AFF2: variants seen among roughly 807,000 people sequenced by gnomAD.
The protein encoded by AFF2 is AF4/FMR2 family member 2.
A neutral mutation model predicts 76.9 loss-of-function variants in AFF2; 14 were observed. The observed-to-expected ratio is 0.18, with a 90% CI of 0.12 to 0.28. AFF2 has a LOEUF of 0.28. Among genes scored for constraint, AFF2 ranks in the 10% least tolerant of loss-of-function variants. AFF2 has a pLI of 1.00. For synonymous variants in AFF2, 398 were observed against 366.7 expected (o/e 1.09, Z -0.98); for missense variants, 868 against 1,001.1 (o/e 0.87, Z 1.79).
chrX:148,785,687 C>T (rs2069810262), intron 3 of AFF2, among the ~76,000 whole-genome samples: 1 of 111,945 alleles, frequency 8.9e-6, no homozygotes, highest in African/African-American at 3.3e-5. Flanking sequence ...AAGCCTAGCT[C>T]TGAGGAACTG....
At chrX:148,644,384 G>A (rs1557255115) in intron 1 of AFF2, among the ~76,000 whole-genome samples, 2 of 111,232 alleles carry the variant, frequency 1.8e-5, no homozygotes, top group Non-Finnish European at 3.8e-5. Context: ...CTAATTGTGT[G>A]GTGTTGAGCA....
At chrX:148,858,725 G>T (rs1450826926) in intron 7 of AFF2, among the ~76,000 whole-genome samples, 23 of 110,863 alleles carry the variant, frequency 2.1e-4, no homozygotes, top group African/African-American at 7.2e-4. Flanking sequence ...CAGTTATATG[G>T]ATTTACATTA....
intron 3 of AFF2, among the ~76,000 whole-genome samples, chrX:148,762,418 T>TATATATATATATATATATATATATATAC (rs2069459670): frequency 9.6e-6 from 1 of 104,112 alleles, no homozygotes; most frequent in African/African-American, 4.0e-5. Flanking sequence ...GGTATATATA[T>TATATATATATATATATATATATATATAC]ATACACATGC....
intron 4 of AFF2, among the ~76,000 whole-genome samples, chrX:148,815,975 C>T (rs1267277118): frequency 7.2e-5 from 8 of 111,777 alleles, no homozygotes; most frequent in South Asian, 3.7e-4. Context: ...GGATGAAAGC[C>T]GGTGAGAATT....
chrX:148,693,019 C>T (rs782450855), intron 3 of AFF2, among the ~76,000 whole-genome samples: 2 of 111,298 alleles, frequency 1.8e-5, no homozygotes, highest in Non-Finnish European at 3.8e-5. Flanking sequence ...CCTGGGTTTA[C>T]GCCATTCTCC....
intron 9 of AFF2, among the ~76,000 whole-genome samples, chrX:148,950,950 T>C (rs2071958490): frequency 8.9e-6 from 1 of 111,843 alleles, no homozygotes; most frequent in Non-Finnish European, 1.9e-5. Context: ...TGTAAAGATA[T>C]TTATTTAAAA....
intron 3 of AFF2, among the ~76,000 whole-genome samples, chrX:148,664,739 T>G (rs1331886587): frequency 2.7e-5 from 3 of 112,621 alleles, no homozygotes; most frequent in Non-Finnish European, 3.7e-5. Context: ...AATGAATGAA[T>G]TTCAAAAATG....
chrX:148,705,071 T>G (rs782803705), intron 3 of AFF2, among the ~76,000 whole-genome samples: 9 of 112,251 alleles, frequency 8.0e-5, no homozygotes, highest in Admixed American at 7.6e-4. Flanking sequence ...CAATTTATGA[T>G]GCATTCCTCT....
At chrX:148,769,769 C>A (rs782264459) in intron 3 of AFF2, among the ~76,000 whole-genome samples, 1 of 111,216 alleles carries the variant, frequency 9.0e-6, no homozygotes, top group Admixed American at 9.6e-5. Context: ...AAACCCAGAC[C>A]CCTTCTCCTT....
intron 9 of AFF2, among the ~76,000 whole-genome samples, chrX:148,936,410 C>T (rs140632232): frequency 1.6e-3 from 177 of 112,073 alleles, no homozygotes; most frequent in Non-Finnish European, 2.7e-3. Flanking sequence ...AAGTTAGCAG[C>T]GCACTCGGTA....
intron 3 of AFF2, among the ~76,000 whole-genome samples, chrX:148,808,257 A>G (rs1427717426): frequency 9.0e-6 from 1 of 111,593 alleles, no homozygotes; most frequent in Non-Finnish European, 1.9e-5. Context: ...TCACCTTCCT[A>G]TTGAGCCTGT....
rs1218595029 is a variant in AFF2 at position 148,574,985 on chromosome X, TGA to T, written c.47+73850_47+73851del. ...GTGTGTGTGTGTGTGTGTGTGTGTGTGAGAGAGAGACTGAGCACTGGACACTG... is the reference window on the plus strand; with the variant it reads ...GTGTGTGTGTGTGTGTGTGTGTGTGTGAGAGAGACTGAGCACTGGACACTG... On this transcript the variant is annotated intron_variant, in intron 1 of 20. Coordinates refer to ENST00000370460, the MANE Select transcript of AFF2 (RefSeq NM_002025.4). 5.8e-3 allele frequency among the ~76,000 whole-genome samples: 499 copies of T among 86,257 alleles called. 4 individuals are homozygous for T. The highest frequency in any genetic ancestry group is 0.018 in the African/African-American group (422 of 23,336). The allele number at this position is 86,257 out of a possible 115,157, so 74.9% of individuals were successfully genotyped here. A position where few individuals can be genotyped will look rare whatever the true frequency, so the allele number is the denominator to read the frequency against.
At chrX:148,943,208 A>G (rs1034738850) in intron 9 of AFF2, among the ~76,000 whole-genome samples, 1 of 112,285 alleles carries the variant, frequency 8.9e-6, no homozygotes, top group Non-Finnish European at 1.9e-5. Context: ...ATTTCTGATG[A>G]TCGTGTTTAC....
intron 9 of AFF2, among the ~76,000 whole-genome samples, chrX:148,907,221 C>A (rs782162213): frequency 8.9e-6 from 1 of 112,203 alleles, no homozygotes; most frequent in African/African-American, 3.2e-5. Flanking sequence ...TACAAGTTTA[C>A]GGAATGAATA....
At chrX:148,922,926 T>C (rs2124271097) in intron 9 of AFF2, among the ~76,000 whole-genome samples, 1 of 112,275 alleles carries the variant, frequency 8.9e-6, no homozygotes. Flanking sequence ...CATTGCAATG[T>C]TTCCACTTTG....
At chrX:148,700,654 A>T (rs1209982067) in intron 3 of AFF2, among the ~76,000 whole-genome samples, 1 of 110,867 alleles carries the variant, frequency 9.0e-6, no homozygotes, top group East Asian at 2.8e-4. Context: ...TTGGAATATA[A>T]CTACAGAAAA....
At chrX:148,726,740 C>A (rs782614393) in intron 3 of AFF2, among the ~76,000 whole-genome samples, 1 of 111,756 alleles carries the variant, frequency 8.9e-6, no homozygotes, top group South Asian at 3.7e-4. Context: ...TTGTATGAAC[C>A]ATTTTGATCT....
chrX:148,542,537 ATCT>A (rs1479828494), intron 1 of AFF2, among the ~76,000 whole-genome samples: 1 of 111,568 alleles, frequency 9.0e-6, no homozygotes, highest in African/African-American at 3.3e-5. Flanking sequence ...ACACATTTTG[ATCT>A]TCTATACTAG....
chrX:148,515,939 G>C (rs955097302), intron 1 of AFF2, among the ~76,000 whole-genome samples: 1 of 111,809 alleles, frequency 8.9e-6, no homozygotes, highest in Non-Finnish European at 1.9e-5. Context: ...AACATAATGA[G>C]AATGAAACTG....
Sources: gnomAD v4.1 joint callset for allele counts (sites outside exome capture counted in the v4.1 genomes callset) on GRCh38, gnomAD v4.1.1 for gene constraint, MANE v1.5 for transcripts, NCBI Gene and HGNC (gene_info 2026-07-23, HGNC 2026-07-21) for gene names.